Variants in AUTS2 observed in about 807,000 individuals in gnomAD.
The protein encoded by AUTS2 is autism susceptibility gene 2 protein.
In AUTS2, 17 loss-of-function variants were observed where a neutral mutation model predicts 112.4. That is an observed-to-expected ratio of 0.15 (90% confidence interval 0.10 to 0.23). AUTS2 has a LOEUF of 0.23. Among genes scored for constraint, AUTS2 ranks in the 10% least tolerant of loss-of-function variants. The probability of loss-of-function intolerance (pLI) is 1.00; values close to 1 mark genes in which losing one functional copy is unlikely to be tolerated. For missense variants in AUTS2, 1,510 were observed against 1,701.6 expected, an observed-to-expected ratio of 0.89 and a Z score of 1.98; for synonymous variants, 751 against 702.7, an observed-to-expected ratio of 1.07 and a Z score of -1.09.
At chr7:69,673,500 A>G (rs536270593) in intron 1 of AUTS2, among the ~76,000 whole-genome samples, 1 of 152,332 alleles carries the variant, frequency 6.6e-6, no homozygotes, top group African/African-American at 2.4e-5. Flanking sequence ...AGGAATAATC[A>G]TGGATGTTCA....
rs1327308352 is a variant in AUTS2, at chr7:70,168,873, T to A, written c.660+34302T>A. On this transcript the variant is annotated intron_variant, in intron 4 of 18. Coordinates refer to ENST00000342771, the MANE Select transcript of AUTS2 (RefSeq NM_015570.4). ...TTTGTACCAGTCACTTGTGTGGCCA[T>A]AATATTTTTGCCCTAAATATTAGGT... Among the ~76,000 whole-genome samples the A allele has an allele frequency of 1.3e-5, 2 of 152,346 alleles. 1 individual carries two copies. The highest frequency in any genetic ancestry group is 1.3e-4 in the Admixed American group (2 of 15,304).
At chr7:69,963,361 T>C (rs1483721509) in intron 2 of AUTS2, among the ~76,000 whole-genome samples, 1 of 152,172 alleles carries the variant, frequency 6.6e-6, no homozygotes, top group Non-Finnish European at 1.5e-5. Flanking sequence ...TACCAAACCA[T>C]AGAATCTTTC....
intron 1 of AUTS2, among the ~76,000 whole-genome samples, chr7:69,612,831 C>G (rs1215906574): frequency 6.6e-6 from 1 of 152,118 alleles, no homozygotes; most frequent in Non-Finnish European, 1.5e-5. Context: ...TGTATATATC[C>G]TTCTGGGGAT....
intron 4 of AUTS2, among the ~76,000 whole-genome samples, chr7:70,191,750 A>G (rs917471735): frequency 6.6e-6 from 1 of 152,118 alleles, no homozygotes; most frequent in Admixed American, 6.6e-5. Flanking sequence ...TTACATGGAC[A>G]ATAGTTTTGT....
At chr7:70,207,141 C>T (rs1340675910) in intron 4 of AUTS2, among the ~76,000 whole-genome samples, 1 of 152,028 alleles carries the variant, frequency 6.6e-6, no homozygotes, top group Non-Finnish European at 1.5e-5. Flanking sequence ...AATATTTTAC[C>T]AGGAGTCAGA....
At chr7:69,927,835 G>T (rs998284871) in intron 2 of AUTS2, among the ~76,000 whole-genome samples, 2 of 152,230 alleles carry the variant, frequency 1.3e-5, no homozygotes, top group African/African-American at 4.8e-5. Flanking sequence ...TGGATGAGGG[G>T]AATGCAGTGG....
intron 4 of AUTS2, among the ~76,000 whole-genome samples, chr7:70,365,640 A>G (rs1183614534): frequency 1.3e-5 from 2 of 152,248 alleles, no homozygotes; most frequent in Non-Finnish European, 2.9e-5. Flanking sequence ...GAGAAAGTAG[A>G]CACTATTGTC....
intron 4 of AUTS2, among the ~76,000 whole-genome samples, chr7:70,316,379 G>A (rs1472130474): frequency 6.7e-6 from 1 of 148,800 alleles, no homozygotes; most frequent in Non-Finnish European, 1.5e-5. Flanking sequence ...TCCAGCCATT[G>A]CTGATGGAGC....
chr7:70,433,020 C>T (rs1260451631), intron 4 of AUTS2, among the ~76,000 whole-genome samples: 4 of 152,156 alleles, frequency 2.6e-5, no homozygotes, highest in Non-Finnish European at 5.9e-5. Flanking sequence ...ATCCGTGCTG[C>T]TTCCATAATG....
At chr7:70,685,700 C>T (rs1476406709) in intron 5 of AUTS2, among the ~76,000 whole-genome samples, 1 of 152,006 alleles carries the variant, frequency 6.6e-6, no homozygotes, top group East Asian at 1.9e-4. Context: ...CTCTTTTACC[C>T]TGAATTGTTT....
In AUTS2 at chr7:70,705,784, G is replaced by T. The variant is rs77102129; in HGVS notation, c.742+7164G>T. On this transcript the variant is annotated intron_variant, in intron 6 of 18. Coordinates refer to ENST00000342771, the MANE Select transcript of AUTS2 (RefSeq NM_015570.4). ...AAGAGGAAAGCTGGGCATAGGAGCT[G>T]GGCCTCTGGGTCTCCTCCTACAAAT... 2.0e-5 allele frequency among the ~76,000 whole-genome samples: 3 copies of T among 152,268 alleles called. No homozygotes were observed. In the East Asian group the frequency reaches 5.8e-4, roughly 29 times the overall value.
At chr7:70,047,310 A>G (rs1801549464) in intron 2 of AUTS2, among the ~76,000 whole-genome samples, 1 of 152,192 alleles carries the variant, frequency 6.6e-6, no homozygotes, top group Non-Finnish European at 1.5e-5. Context: ...TTGAACACCT[A>G]TAGTATTCCA....
intron 2 of AUTS2, among the ~76,000 whole-genome samples, chr7:70,024,409 TG>T (rs1800421603): frequency 6.6e-6 from 1 of 152,222 alleles, no homozygotes. Context: ...CTCTGAATGT[TG>T]GTTAACTTCA....
intron 4 of AUTS2, among the ~76,000 whole-genome samples, chr7:70,196,026 G>A (rs572179745): frequency 1.3e-5 from 2 of 152,352 alleles, no homozygotes; most frequent in Admixed American, 6.5e-5. Context: ...GTATTGGGCA[G>A]TAATGAAGGT....
rs74725876 is a variant in AUTS2, at chr7:70,392,830, C to A, written c.661-42922C>A. ...TTTAGACACCATTCAACCCTCTAAACAAACTGAGTACAGTGAGGTTTTCAG... is the reference window on the plus strand; with the variant it reads ...TTTAGACACCATTCAACCCTCTAAAAAAACTGAGTACAGTGAGGTTTTCAG... On this transcript the variant is annotated intron_variant, in intron 4 of 18. Transcript: ENST00000342771. Among the ~76,000 whole-genome samples, 659 of 152,320 alleles carry A rather than the reference C, an allele frequency of 4.3e-3. 5 individuals carry two copies. The highest frequency in any genetic ancestry group is 0.015 in the African/African-American group (620 of 41,572).
chr7:70,461,291 A>G (rs1408389736), intron 5 of AUTS2, among the ~76,000 whole-genome samples: 1 of 152,198 alleles, frequency 6.6e-6, no homozygotes, highest in African/African-American at 2.4e-5. Flanking sequence ...GTCAATAGGA[A>G]CGCTTCGAAC....
At chr7:70,312,272 A>T (rs1789795642) in intron 4 of AUTS2, among the ~76,000 whole-genome samples, 1 of 152,110 alleles carries the variant, frequency 6.6e-6, no homozygotes, top group South Asian at 2.1e-4. Context: ...CTTTAGAAAG[A>T]TCCATTTAGC....
chr7:70,393,525 A>C (rs1285414932), intron 4 of AUTS2, among the ~76,000 whole-genome samples: 1 of 151,702 alleles, frequency 6.6e-6, no homozygotes, highest in Non-Finnish European at 1.5e-5. Context: ...GCCTGTGTGG[A>C]TGCCTCTCTG....
chr7:69,880,268 C>G (rs565280785), intron 1 of AUTS2, among the ~76,000 whole-genome samples: 1 of 152,292 alleles, frequency 6.6e-6, no homozygotes, highest in African/African-American at 2.4e-5. Context: ...TCCCCATCAT[C>G]CAGTCACCTC....
Sources: gnomAD v4.1 joint callset for allele counts (sites outside exome capture counted in the v4.1 genomes callset) on GRCh38, gnomAD v4.1.1 for gene constraint, MANE v1.5 for transcripts, NCBI Gene and HGNC (gene_info 2026-07-23, HGNC 2026-07-21) for gene names.